FER: variants seen among roughly 807,000 people sequenced by gnomAD.
FER encodes tyrosine-protein kinase Fer.
In FER, 63 loss-of-function variants were observed where a neutral mutation model predicts 111.0. That is an observed-to-expected ratio of 0.57 (90% CI 0.46 to 0.70). The LOEUF is 0.70. Among genes scored for constraint, FER ranks in the 30% least tolerant of loss-of-function variants. FER has a pLI of 0.00. For synonymous variants in FER, 327 were observed against 313.9 expected, an observed-to-expected ratio of 1.04 and a Z score of -0.44; for missense variants, 914 against 954.0, an observed-to-expected ratio of 0.96 and a Z score of 0.55.
At chr5:108,948,131 T>C (rs1387509787) in intron 11 of FER, among the ~76,000 whole-genome samples, 1 of 152,074 alleles carries the variant, frequency 6.6e-6, no homozygotes, top group East Asian at 1.9e-4. Flanking sequence ...GCAAATGCAT[T>C]ATATATAGGA....
chr5:109,174,644 G>C (rs1045526981), intron 17 of FER, among the ~76,000 whole-genome samples: 3 of 152,148 alleles, frequency 2.0e-5, no homozygotes, highest in African/African-American at 7.2e-5. Flanking sequence ...TGCTTCATTA[G>C]AAAACAGATT....
At chr5:109,171,689 C>T (rs528671096) in intron 17 of FER, among the ~76,000 whole-genome samples, 19 of 152,150 alleles carry the variant, frequency 1.2e-4, no homozygotes, top group African/African-American at 3.6e-4. Flanking sequence ...AGAATGGGAG[C>T]GGGTGTATGT....
Position 108,770,091 on chromosome 5 carries a change from G to T in FER, c.-60+1853G>T, listed in dbSNP as rs58946517. The stretch of plus-strand genomic sequence containing the variant: ...AGCCTCCCAAGTAGCTGGGATTACA[G>T]GCATGTGCCACCATGCCCGGCTAAT... On this transcript the variant is annotated intron_variant, in intron 2 of 19. Transcript: ENST00000281092. Among the ~76,000 whole-genome samples the T allele has an allele frequency of 3.7e-3, 570 of 152,226 alleles. 9 individuals are homozygous for T. In the East Asian group the frequency reaches 0.057, roughly 15 times the overall value.
chr5:109,123,955 C>T (rs371782175), intron 17 of FER, among the ~76,000 whole-genome samples: 9 of 152,128 alleles, frequency 5.9e-5, no homozygotes, highest in African/African-American at 9.6e-5. Context: ...AAGAGCATGG[C>T]GCAGTGGCTC....
chr5:108,785,194 T>C, intron 2 of FER: 1 of 624,056 alleles, frequency 1.6e-6, no homozygotes, highest in Non-Finnish European at 2.8e-6. Context: ...ATCTGAACAC[T>C]GTGACTATGT....
At chr5:109,125,367 T>TA (rs1399052076) in intron 17 of FER, among the ~76,000 whole-genome samples, 8 of 152,150 alleles carry the variant, frequency 5.3e-5, no homozygotes, top group Admixed American at 5.2e-4. Flanking sequence ...GTGATTTAAA[T>TA]ATTTTATCTA....
chr5:109,079,442 A>G lies in FER; in HGVS notation c.1925-20954A>G, dbSNP rs186553726. On this transcript the variant is annotated intron_variant, in intron 16 of 19. Coordinates refer to ENST00000281092, the MANE Select transcript of FER (RefSeq NM_005246.4). ...TCCAGATTGGTGCTCTGAAGTGTGG[A>G]CTGAATTGATTCTTTCATCATAAGT... is the stretch of plus-strand genomic sequence containing the variant. Among the ~76,000 whole-genome samples the G allele has an allele frequency of 5.4e-3, 821 of 152,240 alleles. 6 individuals carry two copies. The highest frequency in any genetic ancestry group is 0.014 in the Middle Eastern group (4 of 294).
At chr5:108,852,388 A>G (rs966708362) in intron 5 of FER, among the ~76,000 whole-genome samples, 2 of 152,182 alleles carry the variant, frequency 1.3e-5, no homozygotes, top group African/African-American at 4.8e-5. Flanking sequence ...ATAAGTCCAC[A>G]TTTTAAAAAA....
intron 2 of FER, among the ~76,000 whole-genome samples, chr5:108,789,974 T>G (rs1448550082): frequency 1.3e-5 from 2 of 152,176 alleles, no homozygotes; most frequent in Non-Finnish European, 2.9e-5. Flanking sequence ...AGAAGTGATA[T>G]TTTTCCAAGT....
At chr5:108,882,816 A>G (rs1265176635) in intron 8 of FER, among the ~76,000 whole-genome samples, 1 of 151,870 alleles carries the variant, frequency 6.6e-6, no homozygotes, top group African/African-American at 2.4e-5. Flanking sequence ...TTATACAAAC[A>G]TAAATTATCT....
Position 108,975,782 on chromosome 5 carries a change from C to G in FER, c.1656+16435C>G, listed in dbSNP as rs554105857. Among the ~76,000 whole-genome samples, 13 of 152,224 alleles carry G rather than the reference C, an allele frequency of 8.5e-5. No individual in the cohort carries two copies. In the South Asian group the frequency reaches 2.3e-3, roughly 27 times the overall value. On this transcript the variant is annotated intron_variant, in intron 13 of 19. Coordinates refer to ENST00000281092, the MANE Select transcript of FER (RefSeq NM_005246.4). ...GCTGGATAAAATTACGAATCATTAG[C>G]TTAGTTATCTGTCAGAATCACTAAG...
chr5:109,104,331 A>G (rs1748615983), intron 17 of FER, among the ~76,000 whole-genome samples: 1 of 152,244 alleles, frequency 6.6e-6, no homozygotes, highest in African/African-American at 2.4e-5. Context: ...ACCAAAATGA[A>G]GATTATAGTC....
chr5:108,801,003 T>C (rs10053476), intron 3 of FER, among the ~76,000 whole-genome samples: 29,582 of 152,142 alleles, frequency 0.19, 3,138 homozygotes, highest in African/African-American at 0.28. Flanking sequence ...GCCGAGGTCA[T>C]GCCATTGCAC....
intron 11 of FER, among the ~76,000 whole-genome samples, chr5:108,953,164 G>A (rs1431242343): frequency 6.6e-6 from 1 of 151,704 alleles, no homozygotes; most frequent in African/African-American, 2.4e-5. Context: ...TAAATTATTA[G>A]TATCAGTATA....
chr5:109,150,591 A>G (rs2126686428), intron 17 of FER, among the ~76,000 whole-genome samples: 1 of 152,328 alleles, frequency 6.6e-6, no homozygotes, highest in Admixed American at 6.5e-5. Flanking sequence ...AAACACAGCC[A>G]TAGAATAGCA....
intron 13 of FER, among the ~76,000 whole-genome samples, chr5:108,973,977 A>G (rs1260084601): frequency 6.6e-6 from 1 of 152,104 alleles, no homozygotes; most frequent in African/African-American, 2.4e-5. Flanking sequence ...CTTCACTTCT[A>G]TTGCAGTCTT....
intron 5 of FER, among the ~76,000 whole-genome samples, chr5:108,847,253 G>T (rs982204900): frequency 1.1e-4 from 17 of 149,484 alleles, no homozygotes; most frequent in African/African-American, 2.2e-4. Context: ...TTATTTTTTT[G>T]TGTGTGTTTT....
At chr5:108,793,522 G>GC in intron 2 of FER, among the ~76,000 whole-genome samples, 1 of 136,664 alleles carries the variant, frequency 7.3e-6, no homozygotes, top group East Asian at 2.0e-4. Flanking sequence ...GGCGGGGCGG[G>GC]GGGGGTGGTT....
intron 10 of FER, among the ~76,000 whole-genome samples, chr5:108,910,259 C>G (rs914692254): frequency 9.9e-5 from 15 of 152,226 alleles, no homozygotes; most frequent in African/African-American, 3.6e-4. Context: ...TTAAACTTGT[C>G]TATCATCATC....
Sources: allele counts gnomAD v4.1 joint callset (sites outside exome capture counted in the v4.1 genomes callset), GRCh38; gene constraint gnomAD v4.1.1; transcripts MANE v1.5; gene names NCBI Gene and HGNC (gene_info 2026-07-23, HGNC 2026-07-21).